The following SPAG17 variants were observed in gnomAD, a reference collection of about 807,000 sequenced individuals.
SPAG17 encodes sperm-associated antigen 17.
Under a neutral mutation model 273.6 loss-of-function variants are expected in SPAG17, and 169 were observed. The ratio of observed to expected loss-of-function variants is 0.62; its 90% confidence interval spans 0.55 to 0.70. The LOEUF is 0.70. SPAG17 is among the 30% of genes least tolerant of loss of function. SPAG17 has a pLI of 0.00. For missense variants in SPAG17, 2,557 were observed against 2,627.8 expected (o/e 0.97, Z 0.59); for synonymous variants, 825 against 873.2 (o/e 0.94, Z 0.97).
chr1:117,991,477 C>A lies in SPAG17; in HGVS notation c.5413G>T (p.Val1805Phe). 1 of 1,612,246 alleles carries A rather than the reference C, an allele frequency of 6.2e-7. No individual in the cohort carries two copies. The highest frequency in any genetic ancestry group is 8.5e-7 in the Non-Finnish European group (1 of 1,178,932). ...KKEDELQEMM[V>F]KDSRTEEERG... ...TCCTCCTCAGTTCTGGAATCTTTAA[C>A]CATCATTTCCTGCAGCTCATCTTCT... The change falls in exon 37 of 49, where the codon GTT becomes TTT. Residue 1805 changes from valine (V) to phenylalanine (F), a missense_variant. Val to Phe is a conservative substitution (Grantham distance 50, BLOSUM62 -1). Transcript: ENST00000336338.
intron 1 of SPAG17, among the ~76,000 whole-genome samples, chr1:118,157,876 A>G (rs990854606): frequency 1.3e-5 from 2 of 152,148 alleles, no homozygotes; most frequent in Non-Finnish European, 2.9e-5. Flanking sequence ...ATCCTTAAAG[A>G]TATTATTTTG....
At chr1:118,138,608 C>T (rs1658491253) in intron 3 of SPAG17, among the ~76,000 whole-genome samples, 1 of 152,064 alleles carries the variant, frequency 6.6e-6, no homozygotes, top group Non-Finnish European at 1.5e-5. Flanking sequence ...GGGATGCCAC[C>T]CACATATACA....
At chr1:118,062,999 G>A (rs1216615380) in intron 18 of SPAG17, among the ~76,000 whole-genome samples, 2 of 152,120 alleles carry the variant, frequency 1.3e-5, no homozygotes, top group Non-Finnish European at 2.9e-5. Flanking sequence ...TAATTAATGG[G>A]TCAAGTAAGA....
chr1:118,172,423 T>C (rs1352936329), intron 1 of SPAG17, among the ~76,000 whole-genome samples: 2 of 152,190 alleles, frequency 1.3e-5, no homozygotes, highest in Admixed American at 6.5e-5. Context: ...ATTTAATGTT[T>C]CCTGTAGTGT....
chr1:118,036,688 C>T, intron 24 of SPAG17, 82 bp downstream of exon 24: 2 of 873,436 alleles, frequency 2.3e-6, no homozygotes, highest in South Asian at 1.6e-5. Flanking sequence ...ATGTTATTGA[C>T]AAGTGAGCAG....
intron 3 of SPAG17, among the ~76,000 whole-genome samples, chr1:118,115,679 C>A (rs1162428354): frequency 2.0e-5 from 3 of 152,016 alleles, no homozygotes; most frequent in Non-Finnish European, 4.4e-5. Context: ...TCCAATAAGG[C>A]AGAGTGCTTC....
chr1:118,040,904 G>T, intron 21 of SPAG17, 63 bp from the exon 22 acceptor site: 3 of 1,129,926 alleles, frequency 2.7e-6, no homozygotes, highest in Non-Finnish European at 4.0e-6. Flanking sequence ...CAACTTATCA[G>T]TGTTAGCCAA....
intron 1 of SPAG17, among the ~76,000 whole-genome samples, chr1:118,178,792 A>G (rs1273628388): frequency 6.6e-6 from 1 of 152,016 alleles, no homozygotes; most frequent in East Asian, 1.9e-4. Context: ...ACATACAGCA[A>G]TCAGTAGCAC....
At chr1:118,086,622 A>T in intron 12 of SPAG17, 49 bp downstream of exon 12, 1 of 1,506,038 alleles carries the variant, frequency 6.6e-7, no homozygotes, top group Non-Finnish European at 9.2e-7. Context: ...ATAGTTATAA[A>T]CACACTTTCC....
chr1:118,008,425 T>A (rs1334373712), intron 30 of SPAG17, among the ~76,000 whole-genome samples: 1 of 152,222 alleles, frequency 6.6e-6, no homozygotes, highest in African/African-American at 2.4e-5. Context: ...TAATTTAGTA[T>A]GCTGTCTTAT....
At chr1:117,967,971 C>T (rs898244770) in intron 46 of SPAG17, among the ~76,000 whole-genome samples, 7 of 152,144 alleles carry the variant, frequency 4.6e-5, no homozygotes, top group African/African-American at 1.7e-4. Flanking sequence ...GTTTTTTCAA[C>T]AATGTACTTG....
At chr1:118,171,337 C>T (rs1660407875) in intron 1 of SPAG17, among the ~76,000 whole-genome samples, 1 of 152,024 alleles carries the variant, frequency 6.6e-6, no homozygotes, top group East Asian at 1.9e-4. Flanking sequence ...CTGGCACAAC[C>T]AGGGAATATG....
At chr1:117,961,718 AAGTG>A (rs1653128721) in intron 48 of SPAG17, 1 of 152,154 alleles carries the variant, frequency 6.6e-6, no homozygotes, top group Non-Finnish European at 1.5e-5. Flanking sequence ...ACAATCACTG[AAGTG>A]AGTAAGGGAT....
intron 26 of SPAG17, among the ~76,000 whole-genome samples, chr1:118,025,804 C>A (rs56773516): frequency 0.014 from 2,161 of 152,214 alleles, 44 homozygotes; most frequent in African/African-American, 0.047. Flanking sequence ...TAATTATTTT[C>A]TTTTGTCTGC....
intron 10 of SPAG17, among the ~76,000 whole-genome samples, chr1:118,088,641 G>T (rs888997506): frequency 1.3e-5 from 2 of 152,024 alleles, no homozygotes; most frequent in African/African-American, 4.8e-5. Flanking sequence ...CAGAAAAAAT[G>T]TGTCACATCC....
intron 6 of SPAG17, 27 bp from the exon 7 acceptor site, chr1:118,097,878 C>T (rs766414715): frequency 1.3e-6 from 2 of 1,485,948 alleles, no homozygotes; most frequent in Admixed American, 2.1e-5. Flanking sequence ...GTTTATATTA[C>T]CAAATGAGAG....
At chr1:118,062,477 C>T (rs1042491238) in intron 18 of SPAG17, among the ~76,000 whole-genome samples, 1 of 148,820 alleles carries the variant, frequency 6.7e-6, no homozygotes, top group African/African-American at 2.5e-5. Flanking sequence ...AACATATCAA[C>T]ATTGTTATCA....
At chr1:117,985,923 G>T (rs1237117066) in intron 40 of SPAG17, among the ~76,000 whole-genome samples, 1 of 152,102 alleles carries the variant, frequency 6.6e-6, no homozygotes, top group African/African-American at 2.4e-5. Context: ...CTTGACAACT[G>T]CACATGCTAG....
At chr1:117,999,135 C>A (rs907597972) in intron 32 of SPAG17, among the ~76,000 whole-genome samples, 3 of 152,098 alleles carry the variant, frequency 2.0e-5, no homozygotes, top group African/African-American at 7.2e-5. Flanking sequence ...CAGTTTCATC[C>A]ATGTCCCTCC....
Sources: gnomAD v4.1 joint callset for allele counts (sites outside exome capture counted in the v4.1 genomes callset) on GRCh38, gnomAD v4.1.1 for gene constraint, MANE v1.5 for transcripts, NCBI Gene and HGNC (gene_info 2026-07-23, HGNC 2026-07-21) for gene names.